KLHL1: variants seen among roughly 807,000 people sequenced by gnomAD.
The protein encoded by KLHL1 is kelch-like protein 1.
Under a neutral mutation model 77.7 loss-of-function variants are expected in KLHL1, and 47 were observed. The observed-to-expected ratio is 0.60, with a 90% confidence interval of 0.48 to 0.77. The LOEUF (loss-of-function observed/expected upper bound fraction) is 0.77. KLHL1 is among the 30% of genes least tolerant of loss of function. KLHL1 has a pLI of 0.00. For synonymous variants in KLHL1, 360 were observed against 325.2 expected (o/e 1.11, Z -1.15); for missense variants, 925 against 910.8 (o/e 1.02, Z -0.20).
chr13:69,821,289 C>T (rs539460368), intron 6 of KLHL1, among the ~76,000 whole-genome samples: 43 of 151,818 alleles, frequency 2.8e-4, no homozygotes, highest in Non-Finnish European at 4.6e-4. Flanking sequence ...GTTCATTCAT[C>T]GTAATAATTT....
intron 7 of KLHL1, among the ~76,000 whole-genome samples, chr13:69,785,445 C>A (rs952165696): frequency 3.3e-5 from 5 of 152,088 alleles, no homozygotes; most frequent in Admixed American, 3.3e-4. Context: ...TAAAGATGTT[C>A]TTTGAAACCT....
chr13:69,920,649 C>T (rs1593950793), intron 4 of KLHL1, among the ~76,000 whole-genome samples: 1 of 151,908 alleles, frequency 6.6e-6, no homozygotes, highest in African/African-American at 2.4e-5. Context: ...TTTATGGCAG[C>T]CTGGAAATCT....
At chr13:69,824,017 T>C (rs1039311324) in intron 6 of KLHL1, among the ~76,000 whole-genome samples, 4 of 152,020 alleles carry the variant, frequency 2.6e-5, no homozygotes, top group Non-Finnish European at 5.9e-5. Flanking sequence ...TATATATGTA[T>C]ATAATAGTCT....
At chr13:69,780,663 TTCAC>T (rs1328957348) in intron 7 of KLHL1, among the ~76,000 whole-genome samples, 3 of 136,520 alleles carry the variant, frequency 2.2e-5, no homozygotes, top group Non-Finnish European at 3.1e-5. Flanking sequence ...GATGATAAAT[TTCAC>T]TCTGAATTCT....
chr13:70,085,284 G>C (rs1313218024), intron 1 of KLHL1, among the ~76,000 whole-genome samples: 2 of 152,188 alleles, frequency 1.3e-5, no homozygotes, highest in East Asian at 3.9e-4. Context: ...TATAGACCTT[G>C]AAGTGATAGC....
At chr13:70,007,802 T>C (rs191482290) in intron 1 of KLHL1, among the ~76,000 whole-genome samples, 1 of 152,130 alleles carries the variant, frequency 6.6e-6, no homozygotes, top group East Asian at 1.9e-4. Context: ...CAGAGGTCTC[T>C]GTACCCACAT....
chr13:69,959,828 T>G (rs1319954686), intron 3 of KLHL1, among the ~76,000 whole-genome samples: 3 of 151,956 alleles, frequency 2.0e-5, no homozygotes, highest in Non-Finnish European at 4.4e-5. Context: ...AAGTTTACTT[T>G]TTCTTTAGTA....
intron 4 of KLHL1, among the ~76,000 whole-genome samples, chr13:69,926,608 T>C (rs918997110): frequency 6.6e-6 from 1 of 151,984 alleles, no homozygotes; most frequent in Non-Finnish European, 1.5e-5. Flanking sequence ...CAATTTCATA[T>C]GAAAATATAG....
intron 1 of KLHL1, among the ~76,000 whole-genome samples, chr13:70,067,075 C>T (rs989425169): frequency 6.6e-5 from 10 of 152,208 alleles, no homozygotes; most frequent in South Asian, 2.1e-4. Flanking sequence ...CTCCAGTTTC[C>T]GCAAGATTCA....
Position 70,103,375 on chromosome 13 carries a change from C to T in KLHL1, c.497+3828G>A, listed in dbSNP as rs139684008. 3.8e-3 allele frequency among the ~76,000 whole-genome samples: 583 copies of T among 152,108 alleles called. 16 individuals carry two copies. Among genetic ancestry groups the T allele is most frequent in the East Asian group, 1.6e-3 (8 of 5,154 alleles). Reference sequence around the variant, plus strand: ...CATGGTACAGATTGTCATCAGTTGGCGTCCATAGTATAAACTGTAATCAGC... The same window carrying T: ...CATGGTACAGATTGTCATCAGTTGGTGTCCATAGTATAAACTGTAATCAGC... On this transcript the variant is annotated intron_variant, in intron 1 of 10. Transcript: ENST00000377844.
chr13:69,709,988 A>C (rs576774872), intron 9 of KLHL1, among the ~76,000 whole-genome samples: 1 of 151,742 alleles, frequency 6.6e-6, no homozygotes, highest in African/African-American at 2.4e-5. Flanking sequence ...TCATTTAATT[A>C]TTATTCAGCT....
intron 1 of KLHL1, among the ~76,000 whole-genome samples, chr13:70,010,546 T>C (rs1230717854): frequency 4.6e-5 from 7 of 152,002 alleles, no homozygotes; most frequent in African/African-American, 2.4e-5. Flanking sequence ...TGGGGGTACA[T>C]AGTAAATATG....
intron 8 of KLHL1, among the ~76,000 whole-genome samples, chr13:69,725,501 G>C (rs543566895): frequency 6.6e-6 from 1 of 152,188 alleles, no homozygotes; most frequent in Admixed American, 6.5e-5. Flanking sequence ...GGAAAGTCTT[G>C]TCTTTATTTT....
At position 69,701,630 on chromosome 13, in the gene KLHL1, C is replaced by T. The variant is rs759012206; in HGVS notation, c.*72G>A. ...TGAAGAGTTTTCATCTCTGGAAGTT[C>T]TCATTCTTGCCATTCAATATAAAAA... On this transcript the variant is annotated 3_prime_UTR_variant, in exon 11 of 11. Coordinates refer to ENST00000377844, the MANE Select transcript of KLHL1 (RefSeq NM_020866.3). 1.1e-5 allele frequency: 12 copies of T among 1,055,556 alleles called. No individual in the cohort carries two copies. Among genetic ancestry groups the T allele is most frequent in the Non-Finnish European group, 1.7e-5 (12 of 693,406 alleles). The allele number at this position is 1,055,556 out of a possible 1,614,324, so 65.4% of individuals were successfully genotyped here.
intron 1 of KLHL1, among the ~76,000 whole-genome samples, chr13:70,033,611 T>C (rs1260722568): frequency 8.5e-5 from 4 of 46,908 alleles, no homozygotes; most frequent in African/African-American, 2.7e-4. Context: ...TGGCTTTTTT[T>C]TTTTTTTTTT....
chr13:70,084,190 CAT>C (rs545437764), intron 1 of KLHL1, among the ~76,000 whole-genome samples: 292 of 152,232 alleles, frequency 1.9e-3, no homozygotes, highest in African/African-American at 6.0e-3. Flanking sequence ...TATACACACA[CAT>C]GTACACACAC....
chr13:69,763,007 A>T (rs539441383), intron 7 of KLHL1, among the ~76,000 whole-genome samples: 1 of 152,210 alleles, frequency 6.6e-6, no homozygotes, highest in East Asian at 1.9e-4. Context: ...TTTAAGAGAA[A>T]TTGCCAGGAA....
chr13:69,769,880 A>G (rs1239035347), intron 7 of KLHL1, among the ~76,000 whole-genome samples: 2 of 152,060 alleles, frequency 1.3e-5, no homozygotes, highest in Non-Finnish European at 2.9e-5. Context: ...GGCAGGAATG[A>G]AAAGGGGTGA....
chr13:69,763,366 G>C (rs980532223), intron 7 of KLHL1, among the ~76,000 whole-genome samples: 1 of 152,088 alleles, frequency 6.6e-6, no homozygotes, highest in Admixed American at 6.6e-5. Context: ...TAATTAGTTG[G>C]TTTGGTTCAT....
Sources: gnomAD v4.1 joint callset for allele counts (sites outside exome capture counted in the v4.1 genomes callset) on GRCh38, gnomAD v4.1.1 for gene constraint, MANE v1.5 for transcripts, NCBI Gene and HGNC (gene_info 2026-07-23, HGNC 2026-07-21) for gene names.